The following LCORL variants were observed in gnomAD, a reference collection of about 807,000 sequenced individuals.
The protein encoded by LCORL is ligand-dependent nuclear receptor corepressor-like protein.
Under a neutral mutation model 141.8 loss-of-function variants are expected in LCORL, and 41 were observed. The observed-to-expected ratio is 0.29, with a 90% CI of 0.23 to 0.38. LCORL has a LOEUF of 0.38. Among genes scored for constraint, LCORL ranks in the 10% least tolerant of loss-of-function variants. The pLI is 1.00. For synonymous variants in LCORL, 618 were observed against 694.1 expected (o/e 0.89, Z 1.72); for missense variants, 1,759 against 2,035.0 (o/e 0.86, Z 2.61).
intron 4 of LCORL, among the ~76,000 whole-genome samples, chr4:17,922,973 C>G (rs141312490): frequency 1.5e-4 from 23 of 152,284 alleles, no homozygotes; most frequent in African/African-American, 3.4e-4. Flanking sequence ...GATGGCCCCC[C>G]CAAGGCAGCT....
At chr4:17,912,447 C>T (rs1732717302) in intron 4 of LCORL, 5 of 578,712 alleles carry the variant, frequency 8.6e-6, no homozygotes, top group Admixed American at 2.1e-5. Flanking sequence ...TCATGGCAGA[C>T]ATCTGGGCCC....
intron 4 of LCORL, among the ~76,000 whole-genome samples, chr4:17,938,005 T>TTTC (rs1737150936): frequency 6.9e-6 from 1 of 144,382 alleles, no homozygotes; most frequent in Non-Finnish European, 1.5e-5. Context: ...AACAATTTCT[T>TTTC]TTTTTTTTTT....
intron 1 of LCORL, among the ~76,000 whole-genome samples, chr4:18,000,185 A>C (rs187868617): frequency 7.3e-5 from 11 of 151,678 alleles, no homozygotes; most frequent in Admixed American, 4.6e-4. Context: ...TCACTCAACA[A>C]ATATTTATGT....
At chr4:17,877,961 C>T in exon 7 of LCORL, 1 of 1,230,586 alleles carries the variant, frequency 8.1e-7, no homozygotes, top group Non-Finnish European at 1.0e-6. Context: ...CTCTTTCTGC[C>T]AGCCTATATT....
chr4:17,879,718 A>G (rs77421717), intron 6 of LCORL, among the ~76,000 whole-genome samples: 1 of 151,028 alleles, frequency 6.6e-6, no homozygotes, highest in Non-Finnish European at 1.5e-5. Context: ...CAAATTAAAA[A>G]TGACTAATTT....
intron 4 of LCORL, among the ~76,000 whole-genome samples, chr4:17,925,698 C>T (rs1160249772): frequency 3.3e-5 from 5 of 151,698 alleles, no homozygotes; most frequent in Admixed American, 2.0e-4. Flanking sequence ...GGTGAAACCC[C>T]GTCTCTACTA....
chr4:17,873,947 T>C, exon 7 of LCORL: 7 of 1,234,022 alleles, frequency 5.7e-6, no homozygotes, highest in Non-Finnish European at 7.1e-6. Flanking sequence ...AACTAGCATG[T>C]ATTTTGAAGT....
At chr4:17,917,841 GCTGAATCTCAAAATCAA>G (rs1459297910) in intron 4 of LCORL, among the ~76,000 whole-genome samples, 3 of 152,300 alleles carry the variant, frequency 2.0e-5, no homozygotes, top group Non-Finnish European at 4.4e-5. Flanking sequence ...AAGAAAATCA[GCTGAATCTCAAAATCAA>G]CTGAATCTCA....
chr4:17,916,752 C>T (rs548377847), intron 4 of LCORL, among the ~76,000 whole-genome samples: 1 of 147,144 alleles, frequency 6.8e-6, no homozygotes, highest in South Asian at 2.2e-4. Flanking sequence ...TCAAGCAATT[C>T]TCATGTCTCC....
intron 1 of LCORL, among the ~76,000 whole-genome samples, chr4:17,990,168 G>A (rs894759361): frequency 2.1e-5 from 3 of 142,916 alleles, no homozygotes; most frequent in South Asian, 2.2e-4. Flanking sequence ...GCACGATCTC[G>A]GCTCACTGCA....
At position 18,021,698 on chromosome 4, in the gene LCORL, GGCGGCGGCA is replaced by G. The variant is rs1456468352; in HGVS notation, c.45_53del (p.Ala20_Ala22del). On this transcript the variant is annotated inframe_deletion, in exon 1 of 8. Transcript: ENST00000635767. The surrounding 1 kb of genome is among the most constrained non-coding windows in gnomAD (Gnocchi z 5.5). Reference sequence around the variant, plus strand: ...GGCTCCGGCACTGAGCGGCGGCGGCGGCGGCGGCAGCAGCGGCGGCGGCAGCGGCCATTC... The same window carrying G: ...GGCTCCGGCACTGAGCGGCGGCGGCGGCAGCGGCGGCGGCAGCGGCCATTC... 1 of 1,530,602 alleles carries G rather than the reference GGCGGCGGCA, an allele frequency of 6.5e-7. No individual in the cohort carries two copies. Among genetic ancestry groups the G allele is most frequent in the Non-Finnish European group, 8.8e-7 (1 of 1,139,712 alleles). 94.8% of individuals were successfully genotyped at this position (1,530,602 alleles called of 1,614,324 possible).
At chr4:17,856,512 A>C (rs1208159108) in intron 7 of LCORL, among the ~76,000 whole-genome samples, 1 of 152,118 alleles carries the variant, frequency 6.6e-6, no homozygotes, top group Non-Finnish European at 1.5e-5. Context: ...TTGAGAAAAT[A>C]ATTTTCTGTG....
exon 8 of LCORL, chr4:17,843,398 C>T (rs771060252): frequency 6.2e-7 from 1 of 1,611,494 alleles, no homozygotes; most frequent in East Asian, 2.2e-5. Context: ...TTAACCTTGC[C>T]CAATTTCTCA....
intron 1 of LCORL, among the ~76,000 whole-genome samples, chr4:17,986,137 C>A (rs1052330303): frequency 2.0e-5 from 3 of 152,178 alleles, no homozygotes; most frequent in African/African-American, 7.2e-5. Flanking sequence ...CTGCTATTAG[C>A]CTGATAGGGT....
intron 7 of LCORL, among the ~76,000 whole-genome samples, chr4:17,868,736 C>G (rs1009793050): frequency 1.3e-5 from 2 of 152,148 alleles, no homozygotes; most frequent in African/African-American, 4.8e-5. Context: ...TAGCTTCTCA[C>G]TATTCACAGA....
At chr4:17,970,656 A>T (rs976783314) in intron 2 of LCORL, among the ~76,000 whole-genome samples, 1 of 152,176 alleles carries the variant, frequency 6.6e-6, no homozygotes, top group Non-Finnish European at 1.5e-5. Flanking sequence ...CTACGAATAC[A>T]AGGTTTAATG....
exon 8 of LCORL, chr4:17,842,443 A>AT: frequency 7.4e-7 from 1 of 1,350,016 alleles, no homozygotes; most frequent in Non-Finnish European, 1.1e-6. Context: ...ACAAGTAGAA[A>AT]AAAACTAATT....
intron 6 of LCORL, 27 bp downstream of exon 6, chr4:17,886,040 TA>T: frequency 8.8e-7 from 1 of 1,133,246 alleles, no homozygotes; most frequent in Non-Finnish European, 1.3e-6. Flanking sequence ...ATATTAATAT[TA>T]AATTATATTT....
intron 7 of LCORL, among the ~76,000 whole-genome samples, chr4:17,871,261 A>C (rs1309678057): frequency 6.6e-6 from 1 of 151,962 alleles, no homozygotes; most frequent in East Asian, 1.9e-4. Flanking sequence ...AAGAATGTTA[A>C]AAAATAAAGA....
Sources: gnomAD v4.1 joint callset for allele counts (sites outside exome capture counted in the v4.1 genomes callset) on GRCh38, gnomAD v4.1.1 for gene constraint, Gnocchi (gnomAD v3.1) non-coding constraint, MANE v1.5 for transcripts, NCBI Gene and HGNC (gene_info 2026-07-23, HGNC 2026-07-21) for gene names.